SNTG1: variants seen among roughly 807,000 people sequenced by gnomAD.
SNTG1 encodes the protein syntrophin gamma 1, also known as gamma-1-syntrophin.
SNTG1 carries 39 observed loss-of-function variants against 74.7 expected under a neutral mutation model. That is an observed-to-expected ratio of 0.52 (90% confidence interval 0.40 to 0.68). SNTG1 has a LOEUF of 0.68. SNTG1 is among the 30% of genes least tolerant of loss of function. The probability of loss-of-function intolerance (pLI) is 0.00; values close to 1 mark genes in which losing one functional copy is unlikely to be tolerated. For missense variants in SNTG1, 685 were observed against 609.5 expected, an observed-to-expected ratio of 1.12 and a Z score of -1.30; for synonymous variants, 254 against 217.1, an observed-to-expected ratio of 1.17 and a Z score of -1.49.
At chr8:50,316,183 A>G (rs1012197670) in intron 2 of SNTG1, among the ~76,000 whole-genome samples, 1 of 152,190 alleles carries the variant, frequency 6.6e-6, no homozygotes, top group Non-Finnish European at 1.5e-5. Context: ...AAAATACAAT[A>G]AACTTGTACA....
Position 50,794,753 on chromosome 8 carries a change from T to C in SNTG1, c.*1924T>C, listed in dbSNP as rs1054994099. 6.6e-6 allele frequency: 1 copy of C among 151,968 alleles called. No homozygotes were observed. Among genetic ancestry groups the C allele is most frequent in the Admixed American group, 6.6e-5 (1 of 15,206 alleles). The allele number at this position is 151,968 out of a possible 1,614,324, so 9.4% of individuals were successfully genotyped here. A position where few individuals can be genotyped will look rare whatever the true frequency, so the allele number is the denominator to read the frequency against. On this transcript the variant is annotated 3_prime_UTR_variant, in exon 19 of 19. Coordinates refer to ENST00000642720, the MANE Select transcript of SNTG1 (RefSeq NM_018967.5). ...AATCTCAGTGTGCCCCATATTGGGGTTACATGAATGTGTCCACAATCTGGA... is the reference window on the plus strand; with the variant it reads ...AATCTCAGTGTGCCCCATATTGGGGCTACATGAATGTGTCCACAATCTGGA...
chr8:49,966,379 C>G (rs979265594), intron 1 of SNTG1, among the ~76,000 whole-genome samples: 3 of 151,296 alleles, frequency 2.0e-5, no homozygotes, highest in Admixed American at 2.0e-4. Context: ...TTATTCCAGT[C>G]TTTTTTTAAA....
At chr8:50,637,161 A>G (rs892073129) in intron 13 of SNTG1, among the ~76,000 whole-genome samples, 1 of 152,148 alleles carries the variant, frequency 6.6e-6, no homozygotes, top group South Asian at 2.1e-4. Context: ...ACCTTTGTTT[A>G]CCTAACTGTA....
At chr8:50,308,918 C>T (rs1488235125) in intron 2 of SNTG1, among the ~76,000 whole-genome samples, 2 of 151,432 alleles carry the variant, frequency 1.3e-5, no homozygotes, top group African/African-American at 4.9e-5. Context: ...TTAAATGTTT[C>T]TATTCATAAA....
chr8:50,723,084 C>T (rs187178963), intron 17 of SNTG1, among the ~76,000 whole-genome samples: 1 of 152,082 alleles, frequency 6.6e-6, no homozygotes, highest in African/African-American at 2.4e-5. Context: ...CTCAGACTAT[C>T]GTGCTAATGA....
intron 13 of SNTG1, among the ~76,000 whole-genome samples, chr8:50,647,750 C>G (rs2095119273): frequency 1.3e-5 from 2 of 152,192 alleles, no homozygotes; most frequent in South Asian, 2.1e-4. Context: ...TTAAAGTGAA[C>G]AAGCTTCCAA....
intron 18 of SNTG1, among the ~76,000 whole-genome samples, chr8:50,790,766 C>G (rs1381999679): frequency 6.6e-6 from 1 of 151,750 alleles, no homozygotes; most frequent in Admixed American, 6.6e-5. Flanking sequence ...AAGTGTCAAT[C>G]TATATCAAAT....
At chr8:50,301,248 C>A (rs773137588) in intron 2 of SNTG1, among the ~76,000 whole-genome samples, 1 of 151,928 alleles carries the variant, frequency 6.6e-6, no homozygotes, top group South Asian at 2.1e-4. Flanking sequence ...GACTATGGGG[C>A]GCTTTATTTT....
intron 1 of SNTG1, among the ~76,000 whole-genome samples, chr8:50,153,667 A>G (rs2082151181): frequency 6.6e-6 from 1 of 152,102 alleles, no homozygotes; most frequent in Admixed American, 6.5e-5. Flanking sequence ...CTGGAGGTCC[A>G]CTCCAGACCC....
intron 8 of SNTG1, among the ~76,000 whole-genome samples, chr8:50,501,825 C>T (rs1057051755): frequency 6.6e-5 from 10 of 151,742 alleles, no homozygotes; most frequent in African/African-American, 1.7e-4. Flanking sequence ...TCTTTAATTG[C>T]GGTTGAACAA....
intron 16 of SNTG1, among the ~76,000 whole-genome samples, chr8:50,707,724 T>C (rs1450597650): frequency 6.6e-6 from 1 of 152,178 alleles, no homozygotes; most frequent in Non-Finnish European, 1.5e-5. Flanking sequence ...TCTATTTCTC[T>C]CTCATCTTGT....
chr8:50,546,383 T>TTTA (rs545801232), intron 11 of SNTG1, among the ~76,000 whole-genome samples: 34 of 151,574 alleles, frequency 2.2e-4, no homozygotes, highest in Admixed American at 1.4e-3. Context: ...GGAAGACTTT[T>TTTA]TTATTATTAT....
At chr8:50,503,918 G>A (rs2093984784) in intron 9 of SNTG1, among the ~76,000 whole-genome samples, 1 of 152,022 alleles carries the variant, frequency 6.6e-6, no homozygotes, top group Non-Finnish European at 1.5e-5. Flanking sequence ...TTGTCATGGG[G>A]GTTCGTTGTA....
chr8:50,086,643 G>A (rs891858714), intron 1 of SNTG1, among the ~76,000 whole-genome samples: 1 of 152,038 alleles, frequency 6.6e-6, no homozygotes, highest in Non-Finnish European at 1.5e-5. Flanking sequence ...GGCATGGGAG[G>A]CTGTGCCTAA....
At chr8:50,338,826 CAGA>C (rs753124442) in intron 2 of SNTG1, among the ~76,000 whole-genome samples, 2 of 151,800 alleles carry the variant, frequency 1.3e-5, no homozygotes, top group African/African-American at 2.4e-5. Flanking sequence ...ATGGGAATAC[CAGA>C]AGAAGAAGAA....
chr8:50,707,941 G>T lies in SNTG1; in HGVS notation c.1192-945G>T, dbSNP rs961594321. 5 of 390,424 alleles carry T rather than the reference G, an allele frequency of 1.3e-5. No individual in the cohort carries two copies. In the East Asian group the frequency reaches 1.8e-4, roughly 14 times the overall value. The allele number at this position is 390,424 out of a possible 1,614,324, so 24.2% of individuals were successfully genotyped here. ...AATTAGGCTGGGCACAGTGGCTCAC[G>T]CCTGTAATCCCAGCACTTTGGGAGG... On this transcript the variant is annotated intron_variant, in intron 16 of 18. Transcript: ENST00000642720.
chr8:50,155,522 A>G (rs1234720820), intron 1 of SNTG1, among the ~76,000 whole-genome samples: 1 of 152,136 alleles, frequency 6.6e-6, no homozygotes, highest in Admixed American at 6.5e-5. Flanking sequence ...AAGTTATGAC[A>G]CTACAGAATT....
chr8:50,489,238 G>T (rs1288344788), intron 8 of SNTG1, among the ~76,000 whole-genome samples: 1 of 152,154 alleles, frequency 6.6e-6, no homozygotes, highest in Non-Finnish European at 1.5e-5. Flanking sequence ...ATAAACATAC[G>T]TGTGCATGTG....
At chr8:50,460,531 T>C (rs761978376) in intron 8 of SNTG1, among the ~76,000 whole-genome samples, 1 of 152,178 alleles carries the variant, frequency 6.6e-6, no homozygotes, top group Non-Finnish European at 1.5e-5. Flanking sequence ...GCAATTGTTT[T>C]TGAGGACTTA....
Sources: gnomAD v4.1 joint callset for allele counts (sites outside exome capture counted in the v4.1 genomes callset) on GRCh38, gnomAD v4.1.1 for gene constraint, MANE v1.5 for transcripts, NCBI Gene and HGNC (gene_info 2026-07-23, HGNC 2026-07-21) for gene names.